Variants in SLC9A8 observed in about 807,000 individuals in gnomAD.
SLC9A8 encodes sodium/hydrogen exchanger 8.
A neutral mutation model predicts 66.6 loss-of-function variants in SLC9A8; 48 were observed. That is an observed-to-expected ratio of 0.72 (90% confidence interval 0.57 to 0.92). The LOEUF is 0.92. Among genes scored for constraint, SLC9A8 ranks in the 40% least tolerant of loss-of-function variants. SLC9A8 has a pLI of 0.00. For missense variants in SLC9A8, 599 were observed against 747.3 expected, an observed-to-expected ratio of 0.80 and a Z score of 2.31; for synonymous variants, 274 against 282.6, an observed-to-expected ratio of 0.97 and a Z score of 0.31.
At chr20:49,868,568 T>C (rs1002133168) in intron 10 of SLC9A8, among the ~76,000 whole-genome samples, 4 of 152,150 alleles carry the variant, frequency 2.6e-5, no homozygotes, top group African/African-American at 9.7e-5. Context: ...GACATTCTCT[T>C]CCTAGGAAGT....
rs528152957 is a variant in SLC9A8 at position 49,830,656 on chromosome 20, A to G, written c.289+7515A>G. ...TTAGCAGCTGGAGACAGGGGCCTAT[A>G]GGAGGACTGCAGCAGCTGCTTCCAG... On this transcript the variant is annotated intron_variant, in intron 3 of 15. Transcript: ENST00000361573. 1.6e-3 allele frequency: 1,012 copies of G among 644,102 alleles called. 2 individuals carry two copies. The highest frequency in any genetic ancestry group is 5.8e-3 in the Middle Eastern group (18 of 3,096). 39.9% of individuals were successfully genotyped at this position (644,102 alleles called of 1,614,324 possible).
intron 8 of SLC9A8, among the ~76,000 whole-genome samples, chr20:49,856,625 C>G (rs995641471): frequency 2.0e-5 from 3 of 152,056 alleles, no homozygotes; most frequent in African/African-American, 7.2e-5. Flanking sequence ...AGTTCAAGAC[C>G]AGCCTGGCCA....
chr20:49,834,458 A>AGTGCG (rs2146536089), intron 3 of SLC9A8, among the ~76,000 whole-genome samples: 1 of 82,602 alleles, frequency 1.2e-5, no homozygotes, highest in Non-Finnish European at 2.8e-5. Context: ...TACTGTATAT[A>AGTGCG]TATATACTGT....
rs771875783 is a variant in SLC9A8 at position 49,880,945 on chromosome 20, G to A, written c.1180G>A (p.Ala394Thr). Residue 394 changes from alanine to threonine, a missense_variant, in exon 13 of 16, where the codon GCG (alanine) becomes ACG (threonine). Physicochemically the swap from Ala to Thr is moderately conservative, Grantham distance 58. This residue lies in a region of SLC9A8 where 467 missense variants were observed against 626.5 expected (regional missense o/e 0.75). Transcript: ENST00000361573. The part of the protein sequence containing the change: ...WCIVLVLFGR[A>T]VNIFPLSYLL... ...ACAGGTGCTTGTACTATTTGGCAGA[G>A]CGGTAAACATTTTCCCTCTTTCCTA... 8.1e-6 allele frequency: 13 copies of A among 1,613,220 alleles called. No individual in the cohort carries two copies. Among genetic ancestry groups the A allele is most frequent in the Admixed American group, 1.7e-5 (1 of 60,000 alleles).
chr20:49,868,158 G>A lies in SLC9A8; in HGVS notation c.958+3314G>A, dbSNP rs1426027349. 2.6e-5 allele frequency among the ~76,000 whole-genome samples: 4 copies of A among 152,196 alleles called. No homozygotes were observed. The East Asian group carries it at 7.7e-4, about 29-fold the overall frequency. ...CCCTTGAGAAGATCATTGAGTACCTGTTGGCAAAGATGTGTTTCATGCATC... is the reference window on the plus strand; with the variant it reads ...CCCTTGAGAAGATCATTGAGTACCTATTGGCAAAGATGTGTTTCATGCATC... On this transcript the variant is annotated intron_variant, in intron 10 of 15. Coordinates refer to ENST00000361573, the MANE Select transcript of SLC9A8 (RefSeq NM_015266.3).
rs2089893571 is a variant in SLC9A8, at chr20:49,886,394, A to C, written c.1492-358A>C. ...CTAATAGAGCCACAGGCAAAGAGAC[A>C]AAAAGCCTCCCTGTGCGATTTGCTG... On this transcript the variant is annotated intron_variant, in intron 14 of 15. Transcript: ENST00000361573. This position sits in a 1 kb window ranked among gnomAD's most constrained non-coding sequence, Gnocchi z 4.8. 5.6e-6 allele frequency: 1 copy of C among 179,688 alleles called. No individual in the cohort carries two copies. 11.1% of individuals were successfully genotyped at this position (179,688 alleles called of 1,614,324 possible). A position where few individuals can be genotyped will look rare whatever the true frequency, so the allele number is the denominator to read the frequency against.
At chr20:49,875,406 T>C (rs2089386394) in intron 11 of SLC9A8, among the ~76,000 whole-genome samples, 1 of 152,168 alleles carries the variant, frequency 6.6e-6, no homozygotes, top group Non-Finnish European at 1.5e-5. Context: ...GATTGTCAAA[T>C]CCTTAACGGG....
chr20:49,837,441 T>A (rs1005247995), intron 3 of SLC9A8, among the ~76,000 whole-genome samples: 2 of 147,638 alleles, frequency 1.4e-5, no homozygotes, highest in African/African-American at 2.7e-5. Context: ...GGTATCTCAT[T>A]GTAGTTTTTA....
rs2146749001 is a variant in SLC9A8 at position 49,880,552 on chromosome 20, G to C, written c.1159-372G>C. Reference sequence around the variant, plus strand: ...ATCAATGCAGCCCTGTCCCAAGGAGGGGCACCTTGGGAGTCAGGTTGCCCT... The same window carrying C: ...ATCAATGCAGCCCTGTCCCAAGGAGCGGCACCTTGGGAGTCAGGTTGCCCT... On this transcript the variant is annotated intron_variant, in intron 12 of 15. Transcript: ENST00000361573. 1.3e-5 allele frequency among the ~76,000 whole-genome samples: 2 copies of C among 152,254 alleles called. 1 individual carries two copies. Among genetic ancestry groups the C allele is most frequent in the Admixed American group, 1.3e-4 (2 of 15,302 alleles).
chr20:49,878,507 G>C (rs1352090167), intron 12 of SLC9A8, among the ~76,000 whole-genome samples: 1 of 152,150 alleles, frequency 6.6e-6, no homozygotes, highest in Non-Finnish European at 1.5e-5. Context: ...TCTCTTTTCT[G>C]CTTTTTCTGG....
chr20:49,864,718 T>C, intron 9 of SLC9A8, 21 bp from the exon 10 acceptor site: 8 of 1,583,458 alleles, frequency 5.1e-6, no homozygotes, highest in Non-Finnish European at 6.9e-6. Context: ...CGATTCTCCT[T>C]CCTTGACAGT....
chr20:49,828,347 G>A (rs987397805), intron 3 of SLC9A8, among the ~76,000 whole-genome samples: 1 of 151,548 alleles, frequency 6.6e-6, no homozygotes, highest in African/African-American at 2.4e-5. Context: ...CTCCCAAAAT[G>A]CTGGGATTAC....
Position 49,815,140 on chromosome 20 carries a change from A to G in SLC9A8, c.159A>G (p.Gln53=). 2 of 1,605,950 alleles carry G rather than the reference A, an allele frequency of 1.2e-6. No homozygotes were observed. Among genetic ancestry groups the G allele is most frequent in the Middle Eastern group, 1.7e-4 (1 of 6,040 alleles). Residue 53 remains glutamine, a synonymous_variant, in exon 2 of 16, where the codon CAA becomes CAG. Coordinates refer to ENST00000361573, the MANE Select transcript of SLC9A8 (RefSeq NM_015266.3). ...TGCAGACAGGGGAGCAGGCCCAGCA[A>G]GAGGAGCAGTCCAGCGGCATGACCA... ...LPVQTGEQAQ[Q]EEQSSGMTIF...
chr20:49,878,359 G>T (rs1291456434), intron 12 of SLC9A8, among the ~76,000 whole-genome samples: 1 of 152,106 alleles, frequency 6.6e-6, no homozygotes, highest in African/African-American at 2.4e-5. Context: ...AAGTTTTTGT[G>T]TGAGGAGGTA....
chr20:49,865,449 C>T (rs1324402684), intron 10 of SLC9A8, among the ~76,000 whole-genome samples: 2 of 152,184 alleles, frequency 1.3e-5, no homozygotes, highest in Admixed American at 1.3e-4. Context: ...GAAGTAGGTA[C>T]TAAGAGGTTG....
At chr20:49,831,969 G>C (rs748349415) in intron 3 of SLC9A8, among the ~76,000 whole-genome samples, 1 of 152,120 alleles carries the variant, frequency 6.6e-6, no homozygotes, top group Non-Finnish European at 1.5e-5. Context: ...GGGTCCTCAG[G>C]GTCATTAGTG....
intron 3 of SLC9A8, among the ~76,000 whole-genome samples, chr20:49,825,039 C>G (rs1352734191): frequency 6.6e-6 from 1 of 152,120 alleles, no homozygotes; most frequent in Admixed American, 6.5e-5. Flanking sequence ...AGCCATCTTG[C>G]AACTACTGTG....
chr20:49,869,971 C>A (rs1449543050), intron 10 of SLC9A8, among the ~76,000 whole-genome samples: 3 of 152,142 alleles, frequency 2.0e-5, no homozygotes, highest in African/African-American at 4.8e-5. Flanking sequence ...CTGGAAGGAA[C>A]TATATGTTCA....
At chr20:49,853,180 T>C (rs538640716) in intron 7 of SLC9A8, among the ~76,000 whole-genome samples, 35 of 152,306 alleles carry the variant, frequency 2.3e-4, no homozygotes, top group Non-Finnish European at 4.4e-4. Context: ...GGGCCTGCGC[T>C]TCACTGAGGC....
Sources: allele counts gnomAD v4.1 joint callset (sites outside exome capture counted in the v4.1 genomes callset), GRCh38; gene constraint gnomAD v4.1.1; regional missense constraint gnomAD v4.1.1; non-coding constraint Gnocchi (gnomAD v3.1); transcripts MANE v1.5; gene names NCBI Gene and HGNC (gene_info 2026-07-23, HGNC 2026-07-21).